Variants in BTBD9 observed in about 807,000 individuals in gnomAD.
BTBD9 encodes BTB/POZ domain-containing protein 9.
Under a neutral mutation model 64.3 loss-of-function variants are expected in BTBD9, and 49 were observed. The observed-to-expected ratio is 0.76, with a 90% CI of 0.61 to 0.97. BTBD9 has a LOEUF of 0.97. Ranked by LOEUF, BTBD9 falls within the 50% of genes least tolerant of loss-of-function variation. BTBD9 has a pLI of 0.00. For synonymous variants in BTBD9, 260 were observed against 274.7 expected (o/e 0.95, Z 0.53); for missense variants, 598 against 762.1 (o/e 0.78, Z 2.53).
intron 6 of BTBD9, among the ~76,000 whole-genome samples, chr6:38,493,887 T>C (rs1771810990): frequency 1.3e-5 from 2 of 152,210 alleles, no homozygotes; most frequent in Admixed American, 1.3e-4. Flanking sequence ...TAACAGTATA[T>C]TATTTTCATC....
intron 9 of BTBD9, among the ~76,000 whole-genome samples, chr6:38,199,718 G>A (rs77132541): frequency 3.3e-5 from 5 of 152,342 alleles, no homozygotes; most frequent in Non-Finnish European, 5.9e-5. Flanking sequence ...GGGCATCCCA[G>A]TGAGAAGGCA....
rs1254744896 is a variant in BTBD9 at position 38,240,554 on chromosome 6, G to T, written c.1562+15855C>A. ...AATTTTAATTAAGGAAATGGCAAAA[G>T]AAGAAAATACTGCCTGAAAATATCA... is the stretch of plus-strand genomic sequence containing the variant. On this transcript the variant is annotated intron_variant, in intron 9 of 10. Coordinates refer to ENST00000481247, the MANE Select transcript of BTBD9 (RefSeq NM_001099272.2). 2.6e-5 allele frequency among the ~76,000 whole-genome samples: 4 copies of T among 152,278 alleles called. No homozygotes were observed. In the East Asian group the frequency reaches 7.7e-4, roughly 29 times the overall value.
At chr6:38,417,426 T>A (rs544966688) in intron 6 of BTBD9, among the ~76,000 whole-genome samples, 1 of 152,328 alleles carries the variant, frequency 6.6e-6, no homozygotes, top group South Asian at 2.1e-4. Context: ...GAATGTAATC[T>A]CCTAAAGGGT....
At chr6:38,286,043 G>C (rs139632137) in intron 8 of BTBD9, among the ~76,000 whole-genome samples, 1 of 152,130 alleles carries the variant, frequency 6.6e-6, no homozygotes, top group Non-Finnish European at 1.5e-5. Context: ...TTTGCTATTC[G>C]ACAGAAGTTT....
At chr6:38,590,058 C>T (rs567887587) in intron 4 of BTBD9, among the ~76,000 whole-genome samples, 1 of 152,140 alleles carries the variant, frequency 6.6e-6, no homozygotes, top group South Asian at 2.1e-4. Flanking sequence ...ACATTTCTCC[C>T]TGCATTCATT....
rs539510873 is a variant in BTBD9, at chr6:38,258,079, G to A, written c.1455-1563C>T. Among the ~76,000 whole-genome samples the A allele has an allele frequency of 8.6e-5, 13 of 151,956 alleles. No homozygotes were observed. In the South Asian group the frequency reaches 1.3e-3, roughly 15 times the overall value. ...CGGCTCATTGCAACCTCCGCCTCCC[G>A]GGTTCAAGTGATTCTCCTGCCTCAC... On this transcript the variant is annotated intron_variant, in intron 8 of 10. Coordinates refer to ENST00000481247, the MANE Select transcript of BTBD9 (RefSeq NM_001099272.2).
chr6:38,219,638 A>T (rs1763132609), intron 9 of BTBD9, among the ~76,000 whole-genome samples: 1 of 152,212 alleles, frequency 6.6e-6, no homozygotes, highest in South Asian at 2.1e-4. Context: ...ATTCACTAAG[A>T]ATAAATAAAG....
chr6:38,545,355 G>A (rs916935633), intron 6 of BTBD9, among the ~76,000 whole-genome samples: 3 of 152,042 alleles, frequency 2.0e-5, no homozygotes, highest in South Asian at 2.1e-4. Flanking sequence ...CACCATGTCC[G>A]GCCATGACTG....
At chr6:38,466,156 G>C (rs1770375740) in intron 6 of BTBD9, among the ~76,000 whole-genome samples, 2 of 151,710 alleles carry the variant, frequency 1.3e-5, no homozygotes, top group South Asian at 2.1e-4. Flanking sequence ...TTACAACTAA[G>C]ATGTCTAATT....
At chr6:38,622,902 G>C (rs1050193945) in intron 1 of BTBD9, among the ~76,000 whole-genome samples, 2 of 152,122 alleles carry the variant, frequency 1.3e-5, no homozygotes, top group African/African-American at 4.8e-5. Context: ...AATCCCTGCA[G>C]CAGCACCCCC....
intron 6 of BTBD9, among the ~76,000 whole-genome samples, chr6:38,473,234 T>C (rs940622096): frequency 3.3e-5 from 5 of 152,180 alleles, no homozygotes; most frequent in Non-Finnish European, 4.4e-5. Flanking sequence ...TGCAATACTC[T>C]TTTTAAAAAA....
intron 6 of BTBD9, among the ~76,000 whole-genome samples, chr6:38,435,152 C>T (rs1486566668): frequency 7.0e-6 from 1 of 142,670 alleles, no homozygotes; most frequent in African/African-American, 2.7e-5. Context: ...TGAGATTGTA[C>T]CACTGCACTC....
In BTBD9 at chr6:38,179,918, C is replaced by T. The variant is rs571059723; in HGVS notation, c.1642-4736G>A. 502 of 432,726 alleles carry T rather than the reference C, an allele frequency of 1.2e-3. 2 individuals are homozygous for T. The highest frequency in any genetic ancestry group is 8.5e-4 in the Non-Finnish European group (182 of 214,098). 26.8% of individuals were successfully genotyped at this position (432,726 alleles called of 1,614,324 possible). A position where few individuals can be genotyped will look rare whatever the true frequency, so the allele number is the denominator to read the frequency against. The stretch of plus-strand genomic sequence containing the variant: ...GGAGCTGCTTTCCAGGCAAAGGGAA[C>T]GAGGAGAAGATTTCCACATAAAGAT... On this transcript the variant is annotated intron_variant, in intron 10 of 10. Coordinates refer to ENST00000481247, the MANE Select transcript of BTBD9 (RefSeq NM_001099272.2).
chr6:38,294,071 C>G (rs1338679009), intron 7 of BTBD9, among the ~76,000 whole-genome samples: 1 of 152,140 alleles, frequency 6.6e-6, no homozygotes, highest in African/African-American at 2.4e-5. Context: ...TGAAAAAAAG[C>G]TCAACATCAC....
intron 6 of BTBD9, among the ~76,000 whole-genome samples, chr6:38,480,126 T>C (rs1460997564): frequency 2.0e-5 from 3 of 152,182 alleles, no homozygotes. Context: ...ACTGGAGAAG[T>C]ACTACTGGGA....
intron 6 of BTBD9, among the ~76,000 whole-genome samples, chr6:38,354,412 A>G (rs1764638593): frequency 6.6e-6 from 1 of 152,170 alleles, no homozygotes; most frequent in Admixed American, 6.5e-5. Context: ...TCTAATGAAT[A>G]TATCTAATGT....
At chr6:38,596,164 G>T in intron 2 of BTBD9, 1 of 600,522 alleles carries the variant, frequency 1.7e-6, no homozygotes, top group Non-Finnish European at 2.1e-6. Context: ...TTGAGAACCT[G>T]TCTAAGGTAG....
intron 6 of BTBD9, among the ~76,000 whole-genome samples, chr6:38,362,341 A>G (rs142616144): frequency 0.013 from 1,920 of 152,354 alleles, 22 homozygotes; most frequent in Middle Eastern, 0.024. Flanking sequence ...CTGAAAGCAG[A>G]GACCATTCCT....
At chr6:38,440,192 T>C (rs998073843) in intron 6 of BTBD9, among the ~76,000 whole-genome samples, 7 of 152,146 alleles carry the variant, frequency 4.6e-5, no homozygotes, top group African/African-American at 1.4e-4. Flanking sequence ...GTCACCAAAT[T>C]TGAGCATGCT....
Sources: allele counts gnomAD v4.1 joint callset (sites outside exome capture counted in the v4.1 genomes callset), GRCh38; gene constraint gnomAD v4.1.1; transcripts MANE v1.5; gene names NCBI Gene and HGNC (gene_info 2026-07-23, HGNC 2026-07-21).